Variants in ME3 observed in about 807,000 individuals in gnomAD.
ME3 encodes the protein NADP-dependent malic enzyme, mitochondrial.
ME3 carries 48 observed loss-of-function variants against 68.9 expected under a neutral mutation model. The ratio of observed to expected loss-of-function variants is 0.70; its 90% CI spans 0.55 to 0.89. The LOEUF (loss-of-function observed/expected upper bound fraction) is 0.89. ME3 is among the 40% of genes least tolerant of loss of function. The pLI, the probability that ME3 is intolerant of heterozygous loss-of-function variation, is 0.00. For synonymous variants in ME3, 320 were observed against 318.8 expected (o/e 1.00, Z -0.04); for missense variants, 675 against 797.4 (o/e 0.85, Z 1.85).
At chr11:86,589,835 A>C (rs1180892854) in intron 2 of ME3, among the ~76,000 whole-genome samples, 1 of 152,090 alleles carries the variant, frequency 6.6e-6, no homozygotes, top group East Asian at 1.9e-4. Context: ...AAATATCCAC[A>C]ACATGTTCTC....
At chr11:86,530,318 A>C (rs971291260) in intron 4 of ME3, among the ~76,000 whole-genome samples, 2 of 152,212 alleles carry the variant, frequency 1.3e-5, no homozygotes, top group African/African-American at 4.8e-5. Flanking sequence ...TTCAAGGAGA[A>C]CTACAAACCA....
rs187775959 is a variant in ME3, at chr11:86,590,278, G to A, written c.184-30455C>T. ...GCATCTACTATGTGGGGCTAACTGT[G>A]GCACTGAAGATACGGACATGAGAAA... On this transcript the variant is annotated intron_variant, in intron 2 of 14. Transcript: ENST00000543262. 3.0e-4 allele frequency among the ~76,000 whole-genome samples: 45 copies of A among 152,240 alleles called. No individual in the cohort carries two copies. In the East Asian group the frequency reaches 8.3e-3, roughly 28 times the overall value.
chr11:86,644,118 A>G (rs1944846464), intron 2 of ME3, among the ~76,000 whole-genome samples: 1 of 152,202 alleles, frequency 6.6e-6, no homozygotes, highest in Non-Finnish European at 1.5e-5. Context: ...AGAGCGGAAC[A>G]TACAGACTGG....
At chr11:86,469,078 A>T (rs1265776813) in intron 7 of ME3, among the ~76,000 whole-genome samples, 1 of 152,166 alleles carries the variant, frequency 6.6e-6, no homozygotes, top group Non-Finnish European at 1.5e-5. Flanking sequence ...AAAAAGCTAA[A>T]TAGGTAATAA....
chr11:86,672,452 G>A (rs1947018945), exon 1 of ME3: 1 of 153,016 alleles, frequency 6.5e-6, no homozygotes, highest in African/African-American at 2.4e-5. Context: ...CGCGGAGCTG[G>A]TGAGTTCCTC....
chr11:86,619,565 G>A (rs1418095816), intron 2 of ME3, among the ~76,000 whole-genome samples: 4 of 152,182 alleles, frequency 2.6e-5, no homozygotes, highest in Admixed American at 6.5e-5. Flanking sequence ...TAGTGGTGGT[G>A]AATAAGTCTC....
intron 8 of ME3, among the ~76,000 whole-genome samples, chr11:86,453,486 C>A (rs1167156167): frequency 2.0e-5 from 3 of 152,130 alleles, no homozygotes; most frequent in Admixed American, 2.0e-4. Flanking sequence ...ATAGTAGGTG[C>A]TAGAGGGAGA....
chr11:86,503,528 C>T (rs1250671570), intron 5 of ME3, among the ~76,000 whole-genome samples: 3 of 152,238 alleles, frequency 2.0e-5, no homozygotes, highest in Non-Finnish European at 2.9e-5. Context: ...TGAGATCTTA[C>T]GGCAGCCCAA....
intron 4 of ME3, among the ~76,000 whole-genome samples, chr11:86,534,039 A>G (rs1174044886): frequency 6.6e-6 from 1 of 150,848 alleles, no homozygotes; most frequent in Non-Finnish European, 1.5e-5. Context: ...TGAACACCCA[A>G]ACATTAAAAA....
chr11:86,639,488 T>C (rs1315463606), intron 2 of ME3, among the ~76,000 whole-genome samples: 4 of 141,354 alleles, frequency 2.8e-5, no homozygotes, highest in African/African-American at 1.1e-4. Context: ...AACATACATC[T>C]AAGCATCCGT....
rs79253655 is a variant in ME3 at position 86,598,265 on chromosome 11, C to T, written c.184-38442G>A. 4.8e-3 allele frequency among the ~76,000 whole-genome samples: 737 copies of T among 152,300 alleles called. 11 individuals carry two copies. The highest frequency in any genetic ancestry group is 0.016 in the African/African-American group (682 of 41,570). On this transcript the variant is annotated intron_variant, in intron 2 of 14. Coordinates refer to ENST00000543262, the Ensembl canonical transcript of ME3. The stretch of plus-strand genomic sequence containing the variant: ...GCACCCGAATACTGCGCTTTTCCGA[C>T]GGGCTTAGGAAATGGCACACCAGGA...
At chr11:86,456,546 C>T (rs544305522) in intron 8 of ME3, among the ~76,000 whole-genome samples, 1 of 152,090 alleles carries the variant, frequency 6.6e-6, no homozygotes, top group South Asian at 2.1e-4. Flanking sequence ...CCCAGGTTTG[C>T]TTCCATCCCT....
chr11:86,442,919 G>A lies in ME3; in HGVS notation c.1555C>T (p.Gln519Ter), dbSNP rs771830027. 6.2e-7 allele frequency: 1 copy of A among 1,609,150 alleles called. No homozygotes were observed. Among genetic ancestry groups the A allele is most frequent in the East Asian group, 2.2e-5 (1 of 44,836 alleles). ...TGCTCAGAGACTTCCTGGGCAATTT[G>A]CTGGGGAGAAGGAGAGAACCGAGAG... is the stretch of plus-strand genomic sequence containing the variant. The change falls in exon 14 of 15, where the codon CAA (glutamine) becomes TAA (stop). Residue 519 changes from glutamine (Q) to a stop codon, truncating the protein, a stop_gained and splice_region_variant. Coordinates refer to ENST00000543262, the Ensembl canonical transcript of ME3. LOFTEE classifies it high-confidence loss of function.
chr11:86,498,570 G>C (rs56307437), intron 5 of ME3, among the ~76,000 whole-genome samples: 4 of 152,168 alleles, frequency 2.6e-5, no homozygotes, highest in Admixed American at 2.0e-4. Context: ...AGTGCTCTCC[G>C]ACCTACTCCT....
At chr11:86,518,763 T>TAAGA (rs1954063302) in intron 4 of ME3, among the ~76,000 whole-genome samples, 1 of 152,180 alleles carries the variant, frequency 6.6e-6, no homozygotes, top group Admixed American at 6.5e-5. Context: ...AATAGGGTCT[T>TAAGA]TGCAGATGTG....
chr11:86,646,112 G>T (rs150981297), intron 2 of ME3, among the ~76,000 whole-genome samples: 2 of 152,174 alleles, frequency 1.3e-5, no homozygotes. Flanking sequence ...AGGGCAAAAA[G>T]GCTGAAAATG....
At chr11:86,611,077 A>C (rs988620051) in intron 2 of ME3, among the ~76,000 whole-genome samples, 14 of 152,302 alleles carry the variant, frequency 9.2e-5, no homozygotes, top group African/African-American at 3.4e-4. Flanking sequence ...AGAGTGAGAG[A>C]AATCTTGCCA....
intron 3 of ME3, among the ~76,000 whole-genome samples, chr11:86,558,510 A>G (rs1341464501): frequency 6.6e-6 from 1 of 152,142 alleles, no homozygotes; most frequent in Non-Finnish European, 1.5e-5. Flanking sequence ...CTCAGAAGCA[A>G]TGGATGGTAT....
intron 2 of ME3, among the ~76,000 whole-genome samples, chr11:86,582,675 T>G (rs1214086608): frequency 6.6e-6 from 1 of 152,114 alleles, no homozygotes. Context: ...TATCTATTAA[T>G]GTTAGTGCCT....
Sources: gnomAD v4.1 joint callset for allele counts (sites outside exome capture counted in the v4.1 genomes callset) on GRCh38, gnomAD v4.1.1 for gene constraint, MANE v1.5 for transcripts, NCBI Gene and HGNC (gene_info 2026-07-23, HGNC 2026-07-21) for gene names.